Variants in GPSM2 observed in about 807,000 individuals in gnomAD.
The protein encoded by GPSM2 is G protein signaling modulator 2, also known as G protein-signaling modulator 2.
GPSM2 carries 58 observed loss-of-function variants against 78.4 expected under a neutral mutation model. The observed-to-expected ratio is 0.74, with a 90% CI of 0.60 to 0.92. The LOEUF is 0.92. Ranked by LOEUF, GPSM2 falls within the 40% of genes least tolerant of loss-of-function variation. The pLI is 0.00. For synonymous variants in GPSM2, 224 were observed against 280.2 expected (o/e 0.80, Z 2.00); for missense variants, 700 against 815.5 (o/e 0.86, Z 1.73).
intron 1 of GPSM2, among the ~76,000 whole-genome samples, chr1:108,878,722 T>C (rs929018667): frequency 2.0e-5 from 3 of 152,236 alleles, no homozygotes; most frequent in Admixed American, 6.5e-5. Context: ...TATTTTATAA[T>C]AACAGTTACT....
In GPSM2 at chr1:108,904,109, A is replaced by C. The variant is rs994720907; in HGVS notation, c.1063-16A>C. 2.5e-5 allele frequency: 39 copies of C among 1,564,626 alleles called. No individual in the cohort carries two copies. The highest frequency in any genetic ancestry group is 3.3e-5 in the Non-Finnish European group (37 of 1,136,550). On this transcript the variant is annotated splice_polypyrimidine_tract_variant and intron_variant, in intron 9 of 14. Coordinates refer to ENST00000264126, the MANE Select transcript of GPSM2 (RefSeq NM_013296.5). ...TCTTTAAATACTACTCTAAAATATA[A>C]ATGTTTGTGTTGTAGGTTGGGGATA...
intron 14 of GPSM2, 117 bp from the exon 15 acceptor site, chr1:108,929,584 G>A: frequency 2.3e-6 from 2 of 852,814 alleles, no homozygotes; most frequent in East Asian, 5.0e-5. Flanking sequence ...ATTAATTTCT[G>A]AGAAGCCCCA....
chr1:108,903,169 A>G lies in GPSM2; in HGVS notation c.997A>G (p.Thr333Ala), dbSNP rs775213122. The change falls in exon 9 of 15, where the codon ACA becomes GCA. Residue 333 changes from threonine to alanine, a missense_variant. Thr to Ala is a moderately conservative substitution (Grantham distance 58). Transcript: ENST00000264126. ...ATGTTGGAGCTTAGGAAATGCATAC[A>G]CAGCACTAGGAAATCATGATCAAGC... ...RACWSLGNAY[T>A]ALGNHDQAMH... 1.2e-6 allele frequency: 2 copies of G among 1,611,870 alleles called. No homozygotes were observed. The highest frequency in any genetic ancestry group is 3.3e-5 in the Admixed American group (2 of 60,016).
At chr1:108,898,199 G>C in intron 5 of GPSM2, 98 bp downstream of exon 5, 1 of 1,221,474 alleles carries the variant, frequency 8.2e-7, no homozygotes, top group Non-Finnish European at 1.2e-6. Context: ...GTTTGGCAAA[G>C]ATTTTAAAGT....
chr1:108,883,020 T>C (rs2101312077), intron 1 of GPSM2, among the ~76,000 whole-genome samples: 1 of 152,246 alleles, frequency 6.6e-6, no homozygotes, highest in Non-Finnish European at 1.5e-5. Context: ...ATGATTGTGA[T>C]GTGAATAGCC....
chr1:108,921,486 AC>A (rs1376690660), intron 12 of GPSM2, among the ~76,000 whole-genome samples: 2 of 152,230 alleles, frequency 1.3e-5, no homozygotes, highest in East Asian at 3.9e-4. Context: ...TTCAATAGGT[AC>A]CTGAACTGAT....
intron 2 of GPSM2, among the ~76,000 whole-genome samples, chr1:108,891,768 GT>G (rs1308964389): frequency 1.3e-5 from 2 of 150,252 alleles, no homozygotes; most frequent in African/African-American, 4.9e-5. Context: ...AGCCTCCCAA[GT>G]GCTGGGATTA....
At chr1:108,922,304 T>A (rs1321075026) in intron 12 of GPSM2, 113 bp from the exon 13 acceptor site, 1 of 772,044 alleles carries the variant, frequency 1.3e-6, no homozygotes, top group African/African-American at 1.8e-5. Context: ...AAAATGTCAA[T>A]TTTTAATCCT....
chr1:108,896,715 CTGTTT>C, intron 2 of GPSM2, 144 bp from the exon 3 acceptor site: 1 of 722,586 alleles, frequency 1.4e-6, no homozygotes, highest in South Asian at 1.6e-5. Flanking sequence ...TAACTGCTTA[CTGTTT>C]TATCAGGAAT....
Position 108,931,436 on chromosome 1 carries a change from G to C in GPSM2, c.*1496G>C, listed in dbSNP as rs1651955302. The C allele has an allele frequency of 6.4e-7, 1 of 1,550,854 alleles. No homozygotes were observed. The highest frequency in any genetic ancestry group is 1.4e-5 in the African/African-American group (1 of 73,028). ...TCACAGACTGCAAAGGCCCACGCTT[G>C]GAACAAGTTGCCAACTTGTTTCACT... On this transcript the variant is annotated 3_prime_UTR_variant, in exon 15 of 15. Transcript: ENST00000264126.
chr1:108,897,631 A>G lies in GPSM2; in HGVS notation c.414+4A>G, dbSNP rs772568862. The G allele has an allele frequency of 2.0e-5, 33 of 1,611,638 alleles. No homozygotes were observed. The highest frequency in any genetic ancestry group is 8.8e-5 in the South Asian group (8 of 91,032). The stretch of plus-strand genomic sequence containing the variant: ...TTCCAGAGAGCTTAATGACAAGGTA[A>G]TACCGCAGCATTAGATGGTAGGCCT... On this transcript the variant is annotated splice_donor_region_variant and intron_variant, in intron 4 of 14. Coordinates refer to ENST00000264126, the MANE Select transcript of GPSM2 (RefSeq NM_013296.5).
intron 2 of GPSM2, among the ~76,000 whole-genome samples, chr1:108,891,878 TTTG>T (rs551660799): frequency 1.8e-4 from 27 of 152,304 alleles, no homozygotes; most frequent in Non-Finnish European, 2.9e-4. Context: ...CATACAAATT[TTTG>T]TTTTTTAATC....
chr1:108,889,968 G>A (rs191291350), intron 2 of GPSM2, among the ~76,000 whole-genome samples: 5 of 152,116 alleles, frequency 3.3e-5, no homozygotes, highest in African/African-American at 1.2e-4. Context: ...ATATTTCAGT[G>A]TCTTTGCTCA....
At position 108,924,210 on chromosome 1, in the gene GPSM2, G is replaced by A; in HGVS notation, c.1811G>A (p.Cys604Tyr). ...DEDFFDILVK[C>Y]QGSRLDDQRC... ...GATTTCTTTGACATCCTTGTAAAAT[G>A]TCAAGTATGTCTGTATATTTTTTTC... is the stretch of plus-strand genomic sequence containing the variant. The change falls in exon 14 of 15, where the codon TGT (cysteine) becomes TAT (tyrosine). Residue 604 changes from cysteine (C) to tyrosine (Y), a missense_variant. Physicochemically the swap from Cys to Tyr is radical, Grantham distance 194 (BLOSUM62 -2). Coordinates refer to ENST00000264126, the MANE Select transcript of GPSM2 (RefSeq NM_013296.5). 6.3e-7 allele frequency: 1 copy of A among 1,594,904 alleles called. No individual in the cohort carries two copies. Among genetic ancestry groups the A allele is most frequent in the Non-Finnish European group, 8.6e-7 (1 of 1,162,536 alleles).
intron 5 of GPSM2, 78 bp downstream of exon 5, chr1:108,898,179 A>T: frequency 7.2e-7 from 1 of 1,389,836 alleles, no homozygotes; most frequent in South Asian, 1.2e-5. Context: ...ATTCAGTAGT[A>T]AGTTTTTAAG....
chr1:108,907,747 C>T (rs560676117), intron 10 of GPSM2, among the ~76,000 whole-genome samples: 25 of 152,112 alleles, frequency 1.6e-4, no homozygotes, highest in Non-Finnish European at 2.9e-4. Context: ...AGTTAAGTTT[C>T]TGTTATCCTT....
rs1652172119 is a variant in GPSM2, at chr1:108,932,518, C to T, written c.*2578C>T. On this transcript the variant is annotated 3_prime_UTR_variant, in exon 15 of 15. Transcript: ENST00000264126. ...AATGGATATCTGTAATGAAAGAATA[C>T]AAAGGTGAAATTTTATTTAAAAATT... is the stretch of plus-strand genomic sequence containing the variant. 6.6e-6 allele frequency: 1 copy of T among 152,144 alleles called. No individual in the cohort carries two copies. The highest frequency in any genetic ancestry group is 1.5e-5 in the Non-Finnish European group (1 of 68,036). 9.4% of individuals were successfully genotyped at this position (152,144 alleles called of 1,614,324 possible). A position where few individuals can be genotyped will look rare whatever the true frequency, so the allele number is the denominator to read the frequency against.
chr1:108,898,263 A>T (rs1345412040), intron 5 of GPSM2, among the ~76,000 whole-genome samples, 162 bp downstream of exon 5: 4 of 152,240 alleles, frequency 2.6e-5, no homozygotes, highest in South Asian at 2.1e-4. Context: ...GTGTTATATT[A>T]GTAGTAATCT....
chr1:108,920,199 T>C (rs1033972510), intron 12 of GPSM2, among the ~76,000 whole-genome samples: 2 of 151,318 alleles, frequency 1.3e-5, no homozygotes, highest in Non-Finnish European at 2.9e-5. Context: ...CTGGGCGCAG[T>C]GGCTCATACC....
Sources: gnomAD v4.1 joint callset for allele counts (sites outside exome capture counted in the v4.1 genomes callset) on GRCh38, gnomAD v4.1.1 for gene constraint, MANE v1.5 for transcripts, NCBI Gene and HGNC (gene_info 2026-07-23, HGNC 2026-07-21) for gene names.